The following PTPRT variants were observed in gnomAD, a reference collection of about 807,000 sequenced individuals.
The protein encoded by PTPRT is protein tyrosine phosphatase receptor type T, also known as receptor-type tyrosine-protein phosphatase T.
PTPRT carries 56 observed loss-of-function variants against 176.8 expected under a neutral mutation model. That is an observed-to-expected ratio of 0.32 (90% confidence interval 0.26 to 0.40). The LOEUF is 0.40. Among genes scored for constraint, PTPRT ranks in the 10% least tolerant of loss-of-function variants. The pLI, the probability that PTPRT is intolerant of heterozygous loss-of-function variation, is 1.00. For missense variants in PTPRT, 1,540 were observed against 1,908.2 expected, an observed-to-expected ratio of 0.81 and a Z score of 3.60; for synonymous variants, 783 against 739.0, an observed-to-expected ratio of 1.06 and a Z score of -0.96.
At chr20:42,360,811 AC>A (rs1400079571) in intron 9 of PTPRT, among the ~76,000 whole-genome samples, 6 of 152,200 alleles carry the variant, frequency 3.9e-5, no homozygotes, top group Non-Finnish European at 7.3e-5. Context: ...AGCCATACTA[AC>A]AGCCTTTCTG....
At chr20:42,853,590 G>A (rs115906172) in intron 2 of PTPRT, among the ~76,000 whole-genome samples, 184 of 152,276 alleles carry the variant, frequency 1.2e-3, no homozygotes, top group African/African-American at 4.3e-3. Context: ...GAACTCCTCT[G>A]CCCTTTTGTT....
rs546244462 is a variant in PTPRT at position 42,179,502 on chromosome 20, T to C, written c.2492-17960A>G. Among the ~76,000 whole-genome samples the C allele has an allele frequency of 4.6e-5, 7 of 152,362 alleles. No homozygotes were observed. The South Asian group carries it at 1.4e-3, about 32-fold the overall frequency. On this transcript the variant is annotated intron_variant, in intron 16 of 30. Transcript: ENST00000373187. ...AAAATCCATTCCCTAAGACAATGAATTAGCCACATAATTGACAGCCAATTC... is the reference window on the plus strand; with the variant it reads ...AAAATCCATTCCCTAAGACAATGAACTAGCCACATAATTGACAGCCAATTC...
At chr20:42,611,421 G>A (rs1417041730) in intron 7 of PTPRT, among the ~76,000 whole-genome samples, 1 of 152,118 alleles carries the variant, frequency 6.6e-6, no homozygotes, top group Non-Finnish European at 1.5e-5. Context: ...CTGCCATAAG[G>A]GCAGGCACTA....
intron 2 of PTPRT, among the ~76,000 whole-genome samples, chr20:42,883,533 G>A (rs2079037466): frequency 6.6e-6 from 1 of 151,822 alleles, no homozygotes; most frequent in African/African-American, 2.4e-5. Flanking sequence ...GTTCAGTTTT[G>A]GAGATGTTGA....
intron 11 of PTPRT, among the ~76,000 whole-genome samples, chr20:42,350,214 GTTTTTTTTTTTTTTTT>G (rs764181357): frequency 5.1e-5 from 3 of 58,290 alleles, no homozygotes; most frequent in African/African-American, 1.4e-4. Flanking sequence ...GATGTTTCTT[GTTTTTTTTTTTTTTTT>G]TTTTTTTTTT....
At chr20:42,871,616 T>A (rs208185) in intron 2 of PTPRT, among the ~76,000 whole-genome samples, 1 of 152,036 alleles carries the variant, frequency 6.6e-6, no homozygotes, top group Non-Finnish European at 1.5e-5. Flanking sequence ...GTTTTCACTC[T>A]CATGTTTAGG....
At chr20:42,858,435 G>C (rs761263995) in intron 2 of PTPRT, among the ~76,000 whole-genome samples, 2 of 152,164 alleles carry the variant, frequency 1.3e-5, no homozygotes, top group Non-Finnish European at 2.9e-5. Context: ...CCGAATGTTT[G>C]TGGAGGCCAA....
At chr20:42,709,312 T>C (rs773559725) in intron 6 of PTPRT, among the ~76,000 whole-genome samples, 3 of 152,194 alleles carry the variant, frequency 2.0e-5, no homozygotes, top group Non-Finnish European at 2.9e-5. Flanking sequence ...TGGGACCTGG[T>C]GGAAGGTGTT....
At chr20:42,709,313 G>A (rs2076108489) in intron 6 of PTPRT, among the ~76,000 whole-genome samples, 1 of 152,194 alleles carries the variant, frequency 6.6e-6, no homozygotes, top group Admixed American at 6.5e-5. Context: ...GGGACCTGGT[G>A]GAAGGTGTTT....
chr20:42,542,431 A>G (rs2072600446), intron 7 of PTPRT, among the ~76,000 whole-genome samples: 1 of 152,196 alleles, frequency 6.6e-6, no homozygotes, highest in African/African-American at 2.4e-5. Context: ...AACATTTGAA[A>G]AGATGGTCAA....
intron 7 of PTPRT, among the ~76,000 whole-genome samples, chr20:42,673,122 G>C (rs971491107): frequency 1.3e-5 from 2 of 152,206 alleles, no homozygotes; most frequent in Admixed American, 6.5e-5. Context: ...CCCCAGGGCT[G>C]AAGACTCCAT....
intron 1 of PTPRT, among the ~76,000 whole-genome samples, chr20:43,085,188 G>A (rs949700213): frequency 1.3e-5 from 2 of 152,168 alleles, no homozygotes; most frequent in Non-Finnish European, 2.9e-5. Context: ...TAGGAGGCAT[G>A]GATGCACAGC....
At chr20:42,225,261 T>C (rs1382797280) in intron 15 of PTPRT, among the ~76,000 whole-genome samples, 1 of 152,134 alleles carries the variant, frequency 6.6e-6, no homozygotes, top group African/African-American at 2.4e-5. Context: ...CTCCTCTCTC[T>C]CTCTCTCCCT....
At position 43,014,805 on chromosome 20, in the gene PTPRT, A is replaced by G. The variant is rs866372991; in HGVS notation, c.89-128873T>C. Among the ~76,000 whole-genome samples the G allele has an allele frequency of 2.6e-5, 4 of 152,312 alleles. No individual in the cohort carries two copies. In the Middle Eastern group the frequency reaches 0.01, roughly 389 times the overall value. On this transcript the variant is annotated intron_variant, in intron 1 of 30. Transcript: ENST00000373187. ...AAGGGTAAAAGAGGATTCATTTCAG[A>G]CTAATTTGTTTTTGAATATGACACT...
At chr20:42,834,088 GGA>G (rs201825521) in intron 2 of PTPRT, among the ~76,000 whole-genome samples, 1 of 95,266 alleles carries the variant, frequency 1.0e-5, no homozygotes, top group East Asian at 5.0e-4. Flanking sequence ...CCATAGGCTG[GGA>G]AAAAAAAATT....
intron 14 of PTPRT, among the ~76,000 whole-genome samples, chr20:42,237,362 A>C (rs2146863446): frequency 6.6e-6 from 1 of 152,276 alleles, no homozygotes; most frequent in South Asian, 2.1e-4. Flanking sequence ...TACCTTGAAT[A>C]AACTCTCTGT....
intron 15 of PTPRT, among the ~76,000 whole-genome samples, chr20:42,222,824 T>C (rs898803010): frequency 2.0e-5 from 3 of 152,228 alleles, no homozygotes; most frequent in Non-Finnish European, 2.9e-5. Flanking sequence ...AGCAAATTAG[T>C]TGAACCCAAA....
chr20:42,936,396 A>G (rs1269611346), intron 1 of PTPRT, among the ~76,000 whole-genome samples: 2 of 152,234 alleles, frequency 1.3e-5, no homozygotes, highest in African/African-American at 4.8e-5. Context: ...GCTGCAGTGG[A>G]GTGACAAGAG....
At chr20:42,400,927 A>G (rs1345040115) in intron 9 of PTPRT, among the ~76,000 whole-genome samples, 1 of 151,942 alleles carries the variant, frequency 6.6e-6, no homozygotes, top group East Asian at 1.9e-4. Context: ...ATGAAGCTAT[A>G]CTGGGAAGGA....
Sources: allele counts gnomAD v4.1 joint callset (sites outside exome capture counted in the v4.1 genomes callset), GRCh38; gene constraint gnomAD v4.1.1; transcripts MANE v1.5; gene names NCBI Gene and HGNC (gene_info 2026-07-23, HGNC 2026-07-21).